The following FGD5 variants were observed in gnomAD, a reference collection of about 807,000 sequenced individuals.
FGD5 encodes the protein FYVE, RhoGEF and PH domain containing 5.
Under a neutral mutation model 133.4 loss-of-function variants are expected in FGD5, and 28 were observed. The ratio of observed to expected loss-of-function variants is 0.21; its 90% CI spans 0.16 to 0.29. The LOEUF (loss-of-function observed/expected upper bound fraction) is 0.29. Among genes scored for constraint, FGD5 ranks in the 10% least tolerant of loss-of-function variants. The probability of loss-of-function intolerance (pLI) is 1.00; values close to 1 mark genes in which losing one functional copy is unlikely to be tolerated. For missense variants in FGD5, 1,858 were observed against 1,895.2 expected, an observed-to-expected ratio of 0.98 and a Z score of 0.36; for synonymous variants, 810 against 776.5, an observed-to-expected ratio of 1.04 and a Z score of -0.72.
chr3:14,927,368 G>A (rs1459325282), intron 18 of FGD5, among the ~76,000 whole-genome samples: 2 of 152,172 alleles, frequency 1.3e-5, no homozygotes, highest in Admixed American at 6.5e-5. Context: ...GTTCACGCCT[G>A]TAATCCCAGG....
chr3:14,887,361 C>T (rs1033047625), intron 4 of FGD5, among the ~76,000 whole-genome samples: 1 of 151,992 alleles, frequency 6.6e-6, no homozygotes, highest in East Asian at 1.9e-4. Context: ...CTCCTCCCAG[C>T]AGTCCTATCC....
intron 18 of FGD5, among the ~76,000 whole-genome samples, chr3:14,927,435 A>G (rs2038824992): frequency 6.6e-6 from 1 of 152,232 alleles, no homozygotes; most frequent in African/African-American, 2.4e-5. Context: ...CCGGAGCAAC[A>G]TAGTGAAACC....
At position 14,820,431 on chromosome 3, in the gene FGD5, G is replaced by C. The variant is rs1355760347; in HGVS notation, c.1360G>C (p.Gly454Arg). The change falls in exon 1 of 20, where the codon GGT (glycine) becomes CGT (arginine). Residue 454 changes from glycine to arginine, a missense_variant. Gly to Arg is a moderately radical substitution (Grantham distance 125, BLOSUM62 -2). This residue lies in a region of FGD5 where 1,824 missense variants were observed against 1,848.9 expected (regional missense o/e 0.99). Transcript: ENST00000285046. The stretch of plus-strand genomic sequence containing the variant: ...AGGGCAGGCTGCATCGGACGCCCTG[G>C]GTGGTTATGGCTCGAAAGAAGAATT... ...EGGQAASDAL[G>R]GYGSKEELNC... 1 of 1,613,880 alleles carries C rather than the reference G, an allele frequency of 6.2e-7. No individual in the cohort carries two copies. The highest frequency in any genetic ancestry group is 8.5e-7 in the Non-Finnish European group (1 of 1,179,894).
intron 18 of FGD5, among the ~76,000 whole-genome samples, chr3:14,928,063 T>A (rs2125163126): frequency 6.6e-6 from 1 of 151,898 alleles, no homozygotes; most frequent in South Asian, 2.1e-4. Flanking sequence ...TGCCTCAGCC[T>A]CCTGAGTAGC....
At chr3:14,900,755 G>A (rs2038222023) in intron 8 of FGD5, among the ~76,000 whole-genome samples, 1 of 152,172 alleles carries the variant, frequency 6.6e-6, no homozygotes, top group Non-Finnish European at 1.5e-5. Flanking sequence ...GCTCACCACA[G>A]TCTCCCTGTT....
chr3:14,905,563 A>G (rs1010296548), intron 9 of FGD5, among the ~76,000 whole-genome samples: 1 of 152,120 alleles, frequency 6.6e-6, no homozygotes, highest in African/African-American at 2.4e-5. Context: ...TTGCTGCTAA[A>G]CCTGTCAAAG....
At chr3:14,869,735 C>G (rs2037568418) in intron 2 of FGD5, among the ~76,000 whole-genome samples, 1 of 152,164 alleles carries the variant, frequency 6.6e-6, no homozygotes, top group Non-Finnish European at 1.5e-5. Context: ...GCATAATGTC[C>G]TCAAGGTTCA....
rs575099924 is a variant in FGD5, at chr3:14,851,280, C to G, written c.2526-12848C>G. On this transcript the variant is annotated intron_variant, in intron 1 of 19. Coordinates refer to ENST00000285046, the MANE Select transcript of FGD5 (RefSeq NM_152536.4). ...GATCCCTACATAGACCCTCATAGAC[C>G]TTGGGAATTTAAGGACTGATATCAT... 1.4e-4 allele frequency among the ~76,000 whole-genome samples: 22 copies of G among 152,266 alleles called. No individual in the cohort carries two copies. In the South Asian group the frequency reaches 1.5e-3, roughly 10 times the overall value.
At chr3:14,837,145 C>T (rs1270794004) in intron 1 of FGD5, among the ~76,000 whole-genome samples, 10 of 151,324 alleles carry the variant, frequency 6.6e-5, no homozygotes, top group Admixed American at 5.9e-4. Flanking sequence ...TGTTGGTCAG[C>T]GGTGGTGCCA....
At chr3:14,914,640 C>T (rs1575254837) in intron 11 of FGD5, among the ~76,000 whole-genome samples, 1 of 152,106 alleles carries the variant, frequency 6.6e-6, no homozygotes, top group African/African-American at 2.4e-5. Context: ...GTTCATGAAC[C>T]TGTGCACAGG....
At chr3:14,842,709 A>G (rs2036947254) in intron 1 of FGD5, among the ~76,000 whole-genome samples, 1 of 152,168 alleles carries the variant, frequency 6.6e-6, no homozygotes, top group South Asian at 2.1e-4. Flanking sequence ...ACCCTCTGCC[A>G]TCTTCCCTGT....
At chr3:14,877,155 C>T (rs1005409374) in intron 2 of FGD5, among the ~76,000 whole-genome samples, 13 of 152,370 alleles carry the variant, frequency 8.5e-5, no homozygotes, top group Non-Finnish European at 1.5e-4. Context: ...CCGTCAGCCT[C>T]GGAGTTCATT....
At chr3:14,862,598 A>G (rs915729897) in intron 1 of FGD5, among the ~76,000 whole-genome samples, 3 of 152,210 alleles carry the variant, frequency 2.0e-5, no homozygotes, top group African/African-American at 4.8e-5. Flanking sequence ...GGTAGTAGGT[A>G]TATGGCTTGT....
chr3:14,842,434 C>T (rs1329681375), intron 1 of FGD5, among the ~76,000 whole-genome samples: 3 of 152,200 alleles, frequency 2.0e-5, no homozygotes, highest in African/African-American at 7.2e-5. Context: ...TGCCAACTCT[C>T]CTAGACAGGG....
chr3:14,922,654 C>T lies in FGD5; in HGVS notation c.3807+106C>T. The T allele has an allele frequency of 6.9e-7, 1 of 1,445,454 alleles. No individual in the cohort carries two copies. Among genetic ancestry groups the T allele is most frequent in the Non-Finnish European group, 9.3e-7 (1 of 1,080,872 alleles). The allele number at this position is 1,445,454 out of a possible 1,614,324, so 89.5% of individuals were successfully genotyped here. A position where few individuals can be genotyped will look rare whatever the true frequency, so the allele number is the denominator to read the frequency against. ...GGGATGTCCAGCAGCTACTGTAAGCCCCAGAGTGAGGCATGTTCACACCAA... is the reference window on the plus strand; with the variant it reads ...GGGATGTCCAGCAGCTACTGTAAGCTCCAGAGTGAGGCATGTTCACACCAA... On this transcript the variant is annotated intron_variant, in intron 15 of 19. Coordinates refer to ENST00000285046, the MANE Select transcript of FGD5 (RefSeq NM_152536.4). The surrounding 1 kb of genome is among the most constrained non-coding windows in gnomAD (Gnocchi z 4.1).
rs114314242 is a variant in FGD5, at chr3:14,830,936, C to T, written c.2525+9340C>T. ...CAGTAAACAGACTAGTAAGTGAACA[C>T]GATAATTATAGTTTATGGAAAAGAA... is the stretch of plus-strand genomic sequence containing the variant. On this transcript the variant is annotated intron_variant, in intron 1 of 19. Transcript: ENST00000285046. 4.8e-3 allele frequency among the ~76,000 whole-genome samples: 732 copies of T among 152,014 alleles called. 3 individuals are homozygous for T. The highest frequency in any genetic ancestry group is 0.013 in the African/African-American group (527 of 41,438).
At chr3:14,836,422 G>T (rs4685215) in intron 1 of FGD5, among the ~76,000 whole-genome samples, 81,422 of 151,672 alleles carry the variant, frequency 0.54, 22,287 homozygotes, top group Non-Finnish European at 0.57. Context: ...CAGCTGCTCA[G>T]CCTCTGGGGT....
At chr3:14,906,518 C>T (rs1302616400) in intron 9 of FGD5, among the ~76,000 whole-genome samples, 1 of 152,220 alleles carries the variant, frequency 6.6e-6, no homozygotes, top group East Asian at 1.9e-4. Context: ...TGAGAGAAGG[C>T]CTGAGGAAGT....
chr3:14,811,616 G>C (rs2036296117), intron 1 of FGD5, among the ~76,000 whole-genome samples: 1 of 152,078 alleles, frequency 6.6e-6, no homozygotes, highest in South Asian at 2.1e-4. Context: ...GACTCCCCCA[G>C]CTCATCCCTG....
Sources: allele counts gnomAD v4.1 joint callset (sites outside exome capture counted in the v4.1 genomes callset), GRCh38; gene constraint gnomAD v4.1.1; regional missense constraint gnomAD v4.1.1; non-coding constraint Gnocchi (gnomAD v3.1); transcripts MANE v1.5; gene names NCBI Gene and HGNC (gene_info 2026-07-23, HGNC 2026-07-21).